PGM2: variants seen among roughly 807,000 people sequenced by gnomAD.
PGM2 encodes phosphoglucomutase 2.
In PGM2, 57 loss-of-function variants were observed where a neutral mutation model predicts 74.6. That is an observed-to-expected ratio of 0.76 (90% CI 0.62 to 0.95). The LOEUF (loss-of-function observed/expected upper bound fraction) is 0.95, where lower values mean the gene tolerates loss of function less well. PGM2 is among the 40% of genes least tolerant of loss of function. The probability of loss-of-function intolerance (pLI) is 0.00; values close to 1 mark genes in which losing one functional copy is unlikely to be tolerated. For synonymous variants in PGM2, 273 were observed against 260.7 expected, an observed-to-expected ratio of 1.05 and a Z score of -0.46; for missense variants, 706 against 741.9, an observed-to-expected ratio of 0.95 and a Z score of 0.56.
chr4:37,827,319 G>A (rs750837500), intron 1 of PGM2, among the ~76,000 whole-genome samples: 89 of 152,186 alleles, frequency 5.8e-4, no homozygotes, highest in Non-Finnish European at 8.5e-4. Context: ...TCCCGGGTGG[G>A]CCCGCCTGGC....
intron 13 of PGM2, among the ~76,000 whole-genome samples, chr4:37,860,718 G>A (rs1281227809): frequency 6.6e-6 from 1 of 152,106 alleles, no homozygotes; most frequent in East Asian, 1.9e-4. Context: ...TTAGCTTTTT[G>A]GTGTTAAGTA....
At chr4:37,854,973 G>A (rs963983628) in intron 12 of PGM2, among the ~76,000 whole-genome samples, 2 of 152,192 alleles carry the variant, frequency 1.3e-5, no homozygotes, top group African/African-American at 4.8e-5. Context: ...TGTATACATT[G>A]TGATAGCTAA....
chr4:37,835,908 A>G (rs553926985), intron 3 of PGM2, among the ~76,000 whole-genome samples: 1 of 152,240 alleles, frequency 6.6e-6, no homozygotes, highest in Non-Finnish European at 1.5e-5. Flanking sequence ...CACATGAACT[A>G]CATTCACAAG....
At chr4:37,860,405 C>A (rs533372989) in intron 13 of PGM2, among the ~76,000 whole-genome samples, 3 of 152,182 alleles carry the variant, frequency 2.0e-5, no homozygotes, top group Non-Finnish European at 4.4e-5. Context: ...TAATTTATCG[C>A]AATCTGTACA....
At chr4:37,831,577 G>A (rs989075106) in intron 2 of PGM2, among the ~76,000 whole-genome samples, 1 of 152,186 alleles carries the variant, frequency 6.6e-6, no homozygotes, top group African/African-American at 2.4e-5. Flanking sequence ...ACTGGCTATT[G>A]GCTGGGATCT....
At chr4:37,839,600 G>A (rs1321985624) in intron 4 of PGM2, 1 of 619,286 alleles carries the variant, frequency 1.6e-6, no homozygotes, top group East Asian at 3.4e-5. Context: ...GTAGAAGATG[G>A]AATGAGAAGG....
chr4:37,846,400 G>A (rs963689848), intron 8 of PGM2, among the ~76,000 whole-genome samples: 8 of 152,148 alleles, frequency 5.3e-5, no homozygotes, highest in South Asian at 2.1e-4. Context: ...AAGATGATAC[G>A]TCCTGATAGG....
At chr4:37,858,708 A>G (rs1711648929) in intron 13 of PGM2, among the ~76,000 whole-genome samples, 1 of 152,100 alleles carries the variant, frequency 6.6e-6, no homozygotes, top group Non-Finnish European at 1.5e-5. Flanking sequence ...TATTATTAAT[A>G]TGCTTTATGT....
Position 37,837,542 on chromosome 4 carries a change from G to A in PGM2, c.370G>A (p.Ala124Thr), listed in dbSNP as rs141644153. ...CTGCATTCTCAGGTTTGCCCGACTT[G>A]CTGCAACCACATTTATCAGTCAGGG... is the stretch of plus-strand genomic sequence containing the variant. ...GGSSRRFARL[A>T]ATTFISQGIP... Residue 124 changes from alanine to threonine, a missense_variant, in exon 4 of 14, where the codon GCT becomes ACT. By Grantham distance (58) the Ala-to-Thr change is moderately conservative. This residue lies in a region of PGM2 where 332 missense variants were observed against 334.9 expected (regional missense o/e 0.99). Transcript: ENST00000381967. The A allele has an allele frequency of 1.1e-5, 18 of 1,611,984 alleles. No individual in the cohort carries two copies. The African/African-American group carries it at 2.3e-4, about 20-fold the overall frequency.
Position 37,827,114 on chromosome 4 carries a change from G to A in PGM2, c.81+301G>A, listed in dbSNP as rs976119578. On this transcript the variant is annotated intron_variant, in intron 1 of 13. Transcript: ENST00000381967. ...GTGGTGTAAGCGCGGCCAGACCCTG[G>A]ACGCTGTCTAGTTGAGGGGCGCACG... Among the ~76,000 whole-genome samples the A allele has an allele frequency of 6.6e-5, 10 of 152,376 alleles. No homozygotes were observed. In the South Asian group the frequency reaches 8.3e-4, roughly 13 times the overall value.
At chr4:37,856,160 C>T (rs113841554) in intron 13 of PGM2, among the ~76,000 whole-genome samples, 1,765 of 152,042 alleles carry the variant, frequency 0.012, 41 homozygotes, top group African/African-American at 0.036. Context: ...CCGAGGCAGG[C>T]GGATCACGAG....
chr4:37,858,328 T>A (rs777311094), intron 13 of PGM2, among the ~76,000 whole-genome samples: 17 of 144,958 alleles, frequency 1.2e-4, no homozygotes, highest in Non-Finnish European at 2.1e-4. Context: ...GCAATAAAGT[T>A]TTTTTTGTTT....
chr4:37,836,486 C>T (rs1725569199), intron 3 of PGM2, among the ~76,000 whole-genome samples: 1 of 152,138 alleles, frequency 6.6e-6, no homozygotes, highest in South Asian at 2.1e-4. Flanking sequence ...GGAACGTAAG[C>T]AGTAACTGTT....
At chr4:37,845,537 A>G (rs1202809098) in intron 7 of PGM2, 96 bp from the exon 8 acceptor site, 1 of 809,584 alleles carries the variant, frequency 1.2e-6, no homozygotes, top group East Asian at 2.5e-5. Flanking sequence ...AAGAGGGGAA[A>G]GACCTCTTGA....
At position 37,850,153 on chromosome 4, in the gene PGM2, T is replaced by C. The variant is rs202119120; in HGVS notation, c.1413-31T>C. Reference sequence around the variant, plus strand: ...TCCACCCTACAAAATTATTTGTTCCTCATGTGCATGAATTTGTATTTGTTT... The same window carrying C: ...TCCACCCTACAAAATTATTTGTTCCCCATGTGCATGAATTTGTATTTGTTT... On this transcript the variant is annotated intron_variant, in intron 11 of 13. Transcript: ENST00000381967. The C allele has an allele frequency of 3.2e-6, 4 of 1,267,128 alleles. No individual in the cohort carries two copies. The African/African-American group carries it at 4.6e-5, about 14-fold the overall frequency. The allele number at this position is 1,267,128 out of a possible 1,614,324, so 78.5% of individuals were successfully genotyped here. A position where few individuals can be genotyped will look rare whatever the true frequency, so the allele number is the denominator to read the frequency against.
chr4:37,860,642 C>T (rs1711741054), intron 13 of PGM2, among the ~76,000 whole-genome samples: 1 of 152,158 alleles, frequency 6.6e-6, no homozygotes, highest in Non-Finnish European at 1.5e-5. Flanking sequence ...ATAAACTCTG[C>T]ATATATTAAA....
chr4:37,837,582 T>G lies in PGM2; in HGVS notation c.410T>G (p.Leu137Arg). 1 of 1,612,856 alleles carries G rather than the reference T, an allele frequency of 6.2e-7. No individual in the cohort carries two copies. The highest frequency in any genetic ancestry group is 8.5e-7 in the Non-Finnish European group (1 of 1,178,794). The change falls in exon 4 of 14, where the codon CTC (leucine) becomes CGC (arginine). Residue 137 changes from leucine to arginine, a missense_variant. Leu to Arg is a moderately radical substitution (Grantham distance 102). Coordinates refer to ENST00000381967, the MANE Select transcript of PGM2 (RefSeq NM_018290.4). Reference sequence around the variant, plus strand: ...ATCAGTCAGGGGATTCCTGTGTACCTCTTTTCTGATATAACGCCAACCCCC... The same window carrying G: ...ATCAGTCAGGGGATTCCTGTGTACCGCTTTTCTGATATAACGCCAACCCCC... ...TFISQGIPVY[L>R]FSDITPTPFV...
At position 37,837,625 on chromosome 4, in the gene PGM2, T is replaced by C. The variant is rs1725602945; in HGVS notation, c.441+12T>C. 1 of 1,536,490 alleles carries C rather than the reference T, an allele frequency of 6.5e-7. No individual in the cohort carries two copies. Among genetic ancestry groups the C allele is most frequent in the African/African-American group, 1.4e-5 (1 of 73,368 alleles). Reference sequence around the variant, plus strand: ...CAACCCCCTTTGTGGTAAGTAGCCATTTCCTTTCATAATTTCCTGTCACAT... The same window carrying C: ...CAACCCCCTTTGTGGTAAGTAGCCACTTCCTTTCATAATTTCCTGTCACAT... On this transcript the variant is annotated intron_variant, in intron 4 of 13. Coordinates refer to ENST00000381967, the MANE Select transcript of PGM2 (RefSeq NM_018290.4).
At chr4:37,859,990 C>A (rs1218596551) in intron 13 of PGM2, among the ~76,000 whole-genome samples, 1 of 152,102 alleles carries the variant, frequency 6.6e-6, no homozygotes, top group Admixed American at 6.6e-5. Flanking sequence ...AATAGTAACA[C>A]AAAATTTTTG....
Sources: allele counts gnomAD v4.1 joint callset (sites outside exome capture counted in the v4.1 genomes callset), GRCh38; gene constraint gnomAD v4.1.1; regional missense constraint gnomAD v4.1.1; transcripts MANE v1.5; gene names NCBI Gene and HGNC (gene_info 2026-07-23, HGNC 2026-07-21).